PARG: variants seen among roughly 807,000 people sequenced by gnomAD.
PARG encodes poly(ADP-ribose) glycohydrolase.
A neutral mutation model predicts 113.0 loss-of-function variants in PARG; 35 were observed. The observed-to-expected ratio is 0.31, with a 90% CI of 0.24 to 0.41. The LOEUF (loss-of-function observed/expected upper bound fraction) is 0.41, where lower values mean the gene tolerates loss of function less well. PARG is among the 10% of genes least tolerant of loss of function. PARG has a pLI of 1.00. For synonymous variants in PARG, 330 were observed against 409.9 expected, an observed-to-expected ratio of 0.81 and a Z score of 2.36; for missense variants, 797 against 1,169.4, an observed-to-expected ratio of 0.68 and a Z score of 4.64.
chr10:49,826,926 A>G (rs1554829483), intron 16 of PARG, among the ~76,000 whole-genome samples: 2 of 152,230 alleles, frequency 1.3e-5, no homozygotes. Context: ...ATATTGAAAG[A>G]AGCAGGCAGG....
At chr10:49,876,209 T>C (rs1554838328) in intron 9 of PARG, among the ~76,000 whole-genome samples, 3 of 150,732 alleles carry the variant, frequency 2.0e-5, no homozygotes, top group Non-Finnish European at 4.4e-5. Context: ...TCTCAGTCTC[T>C]GGACATGTCA....
chr10:49,898,849 C>T (rs1554843341), intron 7 of PARG, among the ~76,000 whole-genome samples: 1 of 151,780 alleles, frequency 6.6e-6, no homozygotes, highest in Admixed American at 6.6e-5. Flanking sequence ...ATTTACTCTC[C>T]AGCTAAAAAG....
At chr10:49,853,698 G>A (rs1554834559) in intron 13 of PARG, among the ~76,000 whole-genome samples, 1 of 152,034 alleles carries the variant, frequency 6.6e-6, no homozygotes, top group Non-Finnish European at 1.5e-5. Flanking sequence ...ACTTCAAATG[G>A]CTGACTGAGG....
chr10:49,912,518 C>T (rs1837251518), intron 7 of PARG, among the ~76,000 whole-genome samples: 1 of 151,628 alleles, frequency 6.6e-6, no homozygotes. Flanking sequence ...CAAAAATTAG[C>T]TGGGTGTGGT....
At chr10:49,905,850 G>T (rs1401010685) in intron 7 of PARG, among the ~76,000 whole-genome samples, 1 of 152,188 alleles carries the variant, frequency 6.6e-6, no homozygotes, top group Non-Finnish European at 1.5e-5. Context: ...AGAAGGAGCT[G>T]GCCCAGGGGA....
chr10:49,918,734 A>G (rs1351280601), intron 6 of PARG, among the ~76,000 whole-genome samples: 1 of 152,148 alleles, frequency 6.6e-6, no homozygotes, highest in Non-Finnish European at 1.5e-5. Context: ...TCCTCTCTCA[A>G]AGCATTCTTT....
chr10:49,835,453 C>G (rs541219353), intron 15 of PARG, among the ~76,000 whole-genome samples: 2 of 152,152 alleles, frequency 1.3e-5, no homozygotes, highest in South Asian at 2.1e-4. Context: ...TACCAATGAA[C>G]AACCCTCTCT....
rs1474178696 is a variant in PARG at position 49,935,156 on chromosome 10, T to A, written c.218-14A>T. On this transcript the variant is annotated splice_polypyrimidine_tract_variant and intron_variant, in intron 1 of 17. Transcript: ENST00000616448. The stretch of plus-strand genomic sequence containing the variant: ...TTTGTTTGAAAACTATAAAAAAAAA[T>A]GTATATTCATACATTCCTTCAAATA... The A allele has an allele frequency of 9.7e-6, 7 of 721,198 alleles. No individual in the cohort carries two copies. Among genetic ancestry groups the A allele is most frequent in the African/African-American group, 1.8e-5 (1 of 56,320 alleles). 44.7% of individuals were successfully genotyped at this position (721,198 alleles called of 1,614,324 possible).
chr10:49,893,204 A>T (rs1847898173), intron 7 of PARG, among the ~76,000 whole-genome samples: 1 of 152,120 alleles, frequency 6.6e-6, no homozygotes, highest in South Asian at 2.1e-4. Context: ...CCAACAACAA[A>T]GTATGAGAGT....
At chr10:49,821,956 GA>G (rs1173765200) in intron 16 of PARG, among the ~76,000 whole-genome samples, 4 of 152,150 alleles carry the variant, frequency 2.6e-5, no homozygotes, top group Admixed American at 6.5e-5. Context: ...TCTTAGGCCA[GA>G]AAGAGAGAAC....
intron 6 of PARG, among the ~76,000 whole-genome samples, chr10:49,920,464 ATATATATATAT>A (rs1289837701): frequency 2.3e-3 from 105 of 45,734 alleles, no homozygotes; most frequent in East Asian, 8.0e-3. Context: ...AAAAAAAAAA[ATATATATATAT>A]ATATATATAT....
chr10:49,843,746 C>A, intron 13 of PARG, 114 bp from the exon 14 acceptor site: 1 of 677,424 alleles, frequency 1.5e-6, no homozygotes. Context: ...GTCTCTCCAG[C>A]CAGTGCAATA....
At chr10:49,873,341 T>C (rs1373831467) in intron 9 of PARG, among the ~76,000 whole-genome samples, 2 of 94,366 alleles carry the variant, frequency 2.1e-5, no homozygotes, top group Non-Finnish European at 4.2e-5. Context: ...AATAAAATGC[T>C]ACATAATCAG....
intron 7 of PARG, among the ~76,000 whole-genome samples, chr10:49,903,935 G>C (rs1325474306): frequency 1.3e-5 from 2 of 152,190 alleles, no homozygotes; most frequent in Non-Finnish European, 1.5e-5. Flanking sequence ...TAAGCAGCAT[G>C]AAGGATGGAT....
intron 10 of PARG, among the ~76,000 whole-genome samples, chr10:49,865,700 T>A (rs1846475386): frequency 6.7e-6 from 1 of 149,496 alleles, no homozygotes. Flanking sequence ...TGAAGCTGAA[T>A]ACACTTTTTT....
chr10:49,898,655 T>C (rs1447572039), intron 7 of PARG, among the ~76,000 whole-genome samples: 1 of 152,046 alleles, frequency 6.6e-6, no homozygotes, highest in African/African-American at 2.4e-5. Flanking sequence ...ATATATAACA[T>C]ACACACACAC....
At chr10:49,848,647 G>A (rs1310083544) in intron 13 of PARG, among the ~76,000 whole-genome samples, 1 of 151,188 alleles carries the variant, frequency 6.6e-6, no homozygotes, top group East Asian at 1.9e-4. Flanking sequence ...AGGGTTGATT[G>A]TTCTTCCTCC....
chr10:49,897,931 G>A (rs11598461), intron 7 of PARG, among the ~76,000 whole-genome samples: 28,911 of 152,092 alleles, frequency 0.19, 3,294 homozygotes, highest in Non-Finnish European at 0.27. Flanking sequence ...GGTGGAGGTT[G>A]CAGTGAGCTG....
chr10:49,941,228 G>A (rs1442166677), intron 1 of PARG, among the ~76,000 whole-genome samples: 11 of 152,264 alleles, frequency 7.2e-5, no homozygotes, highest in African/African-American at 2.6e-4. Flanking sequence ...TGACGACTAA[G>A]GCAATTTCTC....
Sources: gnomAD v4.1 joint callset for allele counts (sites outside exome capture counted in the v4.1 genomes callset) on GRCh38, gnomAD v4.1.1 for gene constraint, MANE v1.5 for transcripts, NCBI Gene and HGNC (gene_info 2026-07-23, HGNC 2026-07-21) for gene names.